GAS7: variants seen among roughly 807,000 people sequenced by gnomAD.
The protein encoded by GAS7 is growth arrest-specific protein 7.
GAS7 carries 28 observed loss-of-function variants against 71.1 expected under a neutral mutation model. The observed-to-expected ratio is 0.39, with a 90% CI of 0.29 to 0.54. The LOEUF (loss-of-function observed/expected upper bound fraction) is 0.54, where lower values mean the gene tolerates loss of function less well. Ranked by LOEUF, GAS7 falls within the 20% of genes least tolerant of loss-of-function variation. GAS7 has a pLI of 0.62. For missense variants in GAS7, 436 were observed against 627.8 expected, an observed-to-expected ratio of 0.69 and a Z score of 3.27; for synonymous variants, 258 against 245.8, an observed-to-expected ratio of 1.05 and a Z score of -0.46.
chr17:9,913,271 G>A lies in GAS7; in HGVS notation c.*3957C>T, dbSNP rs1393595413. The A allele has an allele frequency of 4.3e-6, 1 of 232,498 alleles. No individual in the cohort carries two copies. Among genetic ancestry groups the A allele is most frequent in the Non-Finnish European group, 8.5e-6 (1 of 117,552 alleles). The allele number at this position is 232,498 out of a possible 1,614,324, so 14.4% of individuals were successfully genotyped here. A position where few individuals can be genotyped will look rare whatever the true frequency, so the allele number is the denominator to read the frequency against. On this transcript the variant is annotated 3_prime_UTR_variant, in exon 14 of 14. Transcript: ENST00000432992. Reference sequence around the variant, plus strand: ...GACGATGTCCAGGCTACGTGGGGGGGCAGCTGATCTGTACCCCACTTAACA... The same window carrying A: ...GACGATGTCCAGGCTACGTGGGGGGACAGCTGATCTGTACCCCACTTAACA...
chr17:9,955,577 T>C (rs2152109184), intron 5 of GAS7, among the ~76,000 whole-genome samples: 1 of 152,308 alleles, frequency 6.6e-6, no homozygotes, highest in African/African-American at 2.4e-5. Context: ...AGTTTGTGCA[T>C]GGAATAGGTG....
chr17:9,957,534 T>C (rs950337744), intron 5 of GAS7, among the ~76,000 whole-genome samples: 2 of 152,226 alleles, frequency 1.3e-5, no homozygotes, highest in Admixed American at 1.3e-4. Flanking sequence ...CTTTGCATTT[T>C]TGTTTTTCTT....
At chr17:10,041,311 G>A (rs1197109136) in intron 1 of GAS7, among the ~76,000 whole-genome samples, 2 of 152,152 alleles carry the variant, frequency 1.3e-5, no homozygotes, top group Non-Finnish European at 2.9e-5. Flanking sequence ...TAACAGCAAA[G>A]AGGGGACAGT....
At chr17:9,953,235 A>G (rs1401128326) in intron 5 of GAS7, among the ~76,000 whole-genome samples, 1 of 152,094 alleles carries the variant, frequency 6.6e-6, no homozygotes, top group Non-Finnish European at 1.5e-5. Context: ...TTAGCAAACG[A>G]ATGCAGGAAC....
chr17:10,155,899 A>T (rs1422521744), intron 1 of GAS7, among the ~76,000 whole-genome samples: 1 of 152,198 alleles, frequency 6.6e-6, no homozygotes, highest in Admixed American at 6.5e-5. Flanking sequence ...GCTAGTAAGT[A>T]GTACAGCTGG....
rs2074085495 is a variant in GAS7 at position 10,141,996 on chromosome 17, A to C, written c.183+56212T>G. Among the ~76,000 whole-genome samples the C allele has an allele frequency of 2.0e-5, 3 of 151,864 alleles. No individual in the cohort carries two copies. The South Asian group carries it at 6.2e-4, about 32-fold the overall frequency. On this transcript the variant is annotated intron_variant, in intron 1 of 13. Transcript: ENST00000432992. ...GTAATCCCAGCACTTTGGGGGGCCG[A>C]GGTGGGCGGATCACGAGGTCAGGAG... is the stretch of plus-strand genomic sequence containing the variant.
chr17:10,046,208 C>T (rs907663551), intron 1 of GAS7, among the ~76,000 whole-genome samples: 3 of 151,988 alleles, frequency 2.0e-5, no homozygotes, highest in African/African-American at 7.3e-5. Flanking sequence ...ACACGGTACC[C>T]GGCGTGTGAC....
At position 10,005,320 on chromosome 17, in the gene GAS7, T is replaced by C. The variant is rs185778189; in HGVS notation, c.304+14457A>G. On this transcript the variant is annotated intron_variant, in intron 2 of 13. Transcript: ENST00000432992. ...GTATATACACATATATACACACACA[T>C]ATATATATACACACACACACACACA... Among the ~76,000 whole-genome samples, 455 of 146,628 alleles carry C rather than the reference T, an allele frequency of 3.1e-3. 1 individual carries two copies. The highest frequency in any genetic ancestry group is 0.012 in the East Asian group (55 of 4,508).
intron 1 of GAS7, among the ~76,000 whole-genome samples, chr17:10,046,845 GAAAGA>G (rs1345007319): frequency 4.6e-5 from 5 of 108,536 alleles, no homozygotes; most frequent in African/African-American, 1.3e-4. Flanking sequence ...AGGAAGGAAG[GAAAGA>G]AAAGAAAAGA....
At chr17:9,997,682 AC>A (rs1254322456) in intron 2 of GAS7, among the ~76,000 whole-genome samples, 1 of 152,228 alleles carries the variant, frequency 6.6e-6, no homozygotes. Context: ...CACTTCAGAC[AC>A]CAATCACAAG....
chr17:10,100,898 T>C (rs972833457), intron 1 of GAS7, among the ~76,000 whole-genome samples: 9 of 152,230 alleles, frequency 5.9e-5, no homozygotes, highest in African/African-American at 1.7e-4. Flanking sequence ...TGGAGATTTC[T>C]GATGACACTG....
intron 1 of GAS7, chr17:10,036,398 A>T: frequency 6.7e-7 from 1 of 1,497,472 alleles, no homozygotes; most frequent in Admixed American, 1.7e-5. Flanking sequence ...AGCAAACTGG[A>T]GCATACATCT....
At chr17:9,958,108 C>A (rs2069324091) in intron 5 of GAS7, among the ~76,000 whole-genome samples, 1 of 152,160 alleles carries the variant, frequency 6.6e-6, no homozygotes, top group African/African-American at 2.4e-5. Flanking sequence ...CACTACCCCC[C>A]ATTTCCCCAC....
chr17:10,017,837 A>G (rs1475982818), intron 2 of GAS7, among the ~76,000 whole-genome samples: 4 of 152,174 alleles, frequency 2.6e-5, no homozygotes, highest in South Asian at 2.1e-4. Context: ...CTTTACAGAA[A>G]AAGTTCACTG....
At chr17:9,971,532 T>A (rs562856104) in intron 3 of GAS7, among the ~76,000 whole-genome samples, 2 of 152,214 alleles carry the variant, frequency 1.3e-5, no homozygotes, top group East Asian at 3.9e-4. Flanking sequence ...ACCACTACAC[T>A]CCAGCCCACA....
intron 1 of GAS7, among the ~76,000 whole-genome samples, chr17:10,047,491 T>C (rs542308413): frequency 2.0e-5 from 3 of 152,270 alleles, no homozygotes; most frequent in Non-Finnish European, 4.4e-5. Context: ...CACGTTTACA[T>C]AGATCCTGCC....
chr17:9,969,192 A>G lies in GAS7; in HGVS notation c.471+485T>C, dbSNP rs1043585533. Among the ~76,000 whole-genome samples the G allele has an allele frequency of 1.3e-5, 2 of 152,208 alleles. No homozygotes were observed. The highest frequency in any genetic ancestry group is 2.9e-5 in the Non-Finnish European group (2 of 68,034). On this transcript the variant is annotated intron_variant, in intron 4 of 13. Transcript: ENST00000432992. This position sits in a 1 kb window ranked among gnomAD's most constrained non-coding sequence, Gnocchi z 5.5. ...CAAGTAGGATGGAGACTGAGAAAAC[A>G]GTTTGGAAATCGTACAACATACTCC...
intron 7 of GAS7, 83 bp from the exon 8 acceptor site, chr17:9,940,283 G>A (rs570047851): frequency 3.8e-5 from 38 of 995,642 alleles, no homozygotes; most frequent in South Asian, 1.7e-4. Flanking sequence ...CACCTCAGCC[G>A]TGGAAAGGAA....
intron 1 of GAS7, among the ~76,000 whole-genome samples, chr17:10,059,149 G>C (rs140635880): frequency 1.5e-3 from 224 of 152,322 alleles, no homozygotes; most frequent in African/African-American, 5.2e-3. Flanking sequence ...CAGGGCAGCT[G>C]TGTGACATCT....
Sources: allele counts gnomAD v4.1 joint callset (sites outside exome capture counted in the v4.1 genomes callset), GRCh38; gene constraint gnomAD v4.1.1; non-coding constraint Gnocchi (gnomAD v3.1); transcripts MANE v1.5; gene names NCBI Gene and HGNC (gene_info 2026-07-23, HGNC 2026-07-21).